PDCD11: variants seen among roughly 807,000 people sequenced by gnomAD.
PDCD11 encodes programmed cell death 11.
PDCD11 carries 97 observed loss-of-function variants against 198.9 expected under a neutral mutation model. The observed-to-expected ratio is 0.49, with a 90% CI of 0.41 to 0.58. PDCD11 has a LOEUF of 0.58. Ranked by LOEUF, PDCD11 falls within the 20% of genes least tolerant of loss-of-function variation. The pLI is 0.00. For synonymous variants in PDCD11, 893 were observed against 918.0 expected, an observed-to-expected ratio of 0.97 and a Z score of 0.49; for missense variants, 2,102 against 2,312.7, an observed-to-expected ratio of 0.91 and a Z score of 1.87.
At chr10:103,424,825 AGG>A (rs1246221926) in intron 19 of PDCD11, among the ~76,000 whole-genome samples, 157 bp from the exon 20 acceptor site, 2 of 152,340 alleles carry the variant, frequency 1.3e-5, no homozygotes, top group Non-Finnish European at 2.9e-5. Flanking sequence ...AGCTAGGTCC[AGG>A]GAGTGAAGGC....
chr10:103,404,787 T>A (rs2030345441), intron 4 of PDCD11, among the ~76,000 whole-genome samples: 1 of 152,212 alleles, frequency 6.6e-6, no homozygotes, highest in Non-Finnish European at 1.5e-5. Context: ...ACAACTCTTT[T>A]GACAAGTCAT....
Position 103,438,779 on chromosome 10 carries a change from G to C in PDCD11, c.3996G>C (p.Gly1332=), listed in dbSNP as rs2032257300. 1 of 1,613,994 alleles carries C rather than the reference G, an allele frequency of 6.2e-7. No homozygotes were observed. Residue 1332 remains glycine (G), a synonymous_variant, in exon 27 of 36, where the codon GGG becomes GGC. Coordinates refer to ENST00000369797, the MANE Select transcript of PDCD11 (RefSeq NM_014976.2). ...GGCAGCTTCTGAGGGGCTATGTAGG[G>C]TCCATCCAGCCACACGGTGTGTTCT... is the stretch of plus-strand genomic sequence containing the variant. ...KEGQLLRGYV[G]SIQPHGVFFR...
chr10:103,401,558 C>T (rs1000184300), intron 3 of PDCD11, among the ~76,000 whole-genome samples: 4 of 151,636 alleles, frequency 2.6e-5, no homozygotes, highest in Admixed American at 6.6e-5. Flanking sequence ...CGTGAGCCAC[C>T]GCGGCCAGCC....
intron 2 of PDCD11, 32 bp downstream of exon 2, chr10:103,398,560 TG>T: frequency 7.3e-7 from 1 of 1,376,402 alleles, no homozygotes; most frequent in Non-Finnish European, 1.0e-6. Context: ...TGACACTCAC[TG>T]GAAACTTTTA....
rs1464382964 is a variant in PDCD11, at chr10:103,432,130, G to A, written c.3370G>A (p.Glu1124Lys). 1.2e-6 allele frequency: 2 copies of A among 1,610,348 alleles called. No individual in the cohort carries two copies. Among genetic ancestry groups the A allele is most frequent in the Non-Finnish European group, 8.5e-7 (1 of 1,176,706 alleles). ...TIPELSVRPS[E>K]LEDGHTALNT... ...TTTACATTTCCTTTCTGCAAACAGTGAGCTGGAGGATGGCCACACTGCTCT... is the reference window on the plus strand; with the variant it reads ...TTTACATTTCCTTTCTGCAAACAGTAAGCTGGAGGATGGCCACACTGCTCT... Residue 1124 changes from glutamate to lysine, a missense_variant and splice_region_variant, in exon 22 of 36, where the codon GAG becomes AAG. Coordinates refer to ENST00000369797, the MANE Select transcript of PDCD11 (RefSeq NM_014976.2).
At chr10:103,421,968 C>T (rs1320535990) in intron 17 of PDCD11, among the ~76,000 whole-genome samples, 11 of 114,680 alleles carry the variant, frequency 9.6e-5, no homozygotes, top group South Asian at 2.6e-4. Context: ...AGTGAGACTC[C>T]GTCTCAAAAA....
At position 103,442,208 on chromosome 10, in the gene PDCD11, A is replaced by G; in HGVS notation, c.4708-5A>G. 6.2e-7 allele frequency: 1 copy of G among 1,613,796 alleles called. No homozygotes were observed. The highest frequency in any genetic ancestry group is 1.1e-5 in the South Asian group (1 of 91,074). Reference sequence around the variant, plus strand: ...GACTCACGGTGTTTCTGCTTTCCATAGCAGATAAAGAAAAGCAAGAAAGAA... The same window carrying G: ...GACTCACGGTGTTTCTGCTTTCCATGGCAGATAAAGAAAAGCAAGAAAGAA... On this transcript the variant is annotated splice_region_variant and splice_polypyrimidine_tract_variant and intron_variant, in intron 31 of 35. Transcript: ENST00000369797.
chr10:103,399,107 G>GTTTTT (rs71019680), intron 2 of PDCD11, among the ~76,000 whole-genome samples: 2 of 125,994 alleles, frequency 1.6e-5, no homozygotes, highest in African/African-American at 2.9e-5. Flanking sequence ...AGAGGAAGCA[G>GTTTTT]TTTTTTTTTT....
chr10:103,443,080 G>A (rs1423617614), intron 32 of PDCD11, 85 bp from the exon 33 acceptor site: 1 of 1,212,166 alleles, frequency 8.2e-7, no homozygotes, highest in Non-Finnish European at 1.2e-6. Context: ...GCTGGGAGGG[G>A]GAGGTGGTTC....
chr10:103,436,165 A>G lies in PDCD11; in HGVS notation c.3845+1190A>G, dbSNP rs143139516. Among the ~76,000 whole-genome samples the G allele has an allele frequency of 3.3e-3, 505 of 151,980 alleles. 20 individuals are homozygous for G. The East Asian group carries it at 0.064, about 19-fold the overall frequency. ...ACCCAGGCTGGAGTGCAGTGGCGCA[A>G]TCTTGGCTCACTGCAACCTCTGCCT... On this transcript the variant is annotated intron_variant, in intron 25 of 35. Transcript: ENST00000369797.
intron 19 of PDCD11, 21 bp downstream of exon 19, chr10:103,423,679 C>A: frequency 6.7e-7 from 1 of 1,489,922 alleles, no homozygotes; most frequent in Non-Finnish European, 9.4e-7. Flanking sequence ...TCCTGACTTC[C>A]ATTTCCATGG....
chr10:103,408,115 A>G (rs1355781039), intron 7 of PDCD11, among the ~76,000 whole-genome samples: 1 of 151,942 alleles, frequency 6.6e-6, no homozygotes, highest in East Asian at 1.9e-4. Context: ...TTTTTCCTAT[A>G]CCTTCAACTT....
intron 21 of PDCD11, among the ~76,000 whole-genome samples, chr10:103,428,739 A>G (rs2031804272): frequency 6.6e-6 from 1 of 152,222 alleles, no homozygotes; most frequent in African/African-American, 2.4e-5. Context: ...GGAACCCCTC[A>G]TTAACACTGC....
intron 8 of PDCD11, among the ~76,000 whole-genome samples, chr10:103,410,979 G>A (rs895315256): frequency 2.0e-5 from 3 of 151,860 alleles, no homozygotes; most frequent in Admixed American, 6.6e-5. Flanking sequence ...GGAGACTGAG[G>A]CAGGAGAATC....
chr10:103,429,843 C>T (rs1156343526), intron 21 of PDCD11, among the ~76,000 whole-genome samples: 4 of 152,142 alleles, frequency 2.6e-5, no homozygotes, highest in African/African-American at 4.8e-5. Flanking sequence ...CCTTCCGTCT[C>T]AGTGAATTTG....
At chr10:103,422,055 T>TTTATTATTATTATTA (rs201558637) in intron 17 of PDCD11, among the ~76,000 whole-genome samples, 3 of 127,454 alleles carry the variant, frequency 2.4e-5, no homozygotes, top group East Asian at 4.5e-4. Context: ...AGTGCACAAT[T>TTTATTATTATTATTA]TTATTATTAT....
chr10:103,405,884 CAG>C (rs2030414583), intron 5 of PDCD11, 99 bp from the exon 6 acceptor site: 2 of 1,270,428 alleles, frequency 1.6e-6, no homozygotes, highest in African/African-American at 1.5e-5. Flanking sequence ...GGGATAGTGG[CAG>C]AGTGTGAGCT....
Position 103,443,954 on chromosome 10 carries a change from C to G in PDCD11, c.5164C>G (p.Arg1722Gly). The G allele has an allele frequency of 6.2e-7, 1 of 1,614,164 alleles. No homozygotes were observed. Among genetic ancestry groups the G allele is most frequent in the Non-Finnish European group, 8.5e-7 (1 of 1,180,030 alleles). ...CTACAACCGGATGCTGAAGCGTTTC[C>G]GGCAGGAGAAAGCTGTGTGGATCAA... The part of the protein sequence containing the change: ...ELYNRMLKRF[R>G]QEKAVWIKYG... The change falls in exon 34 of 36, where the codon CGG (arginine) becomes GGG (glycine). Residue 1722 changes from arginine (R) to glycine (G), a missense_variant. By Grantham distance (125) the Arg-to-Gly change is moderately radical (BLOSUM62 -2). Coordinates refer to ENST00000369797, the MANE Select transcript of PDCD11 (RefSeq NM_014976.2).
rs1291010918 is a variant in PDCD11 at position 103,415,022 on chromosome 10, A to C, written c.1389A>C (p.Ile463=). ...TTCTCTAGGGCACAGTGCTAACCAT[A>C]AAGTCATATGGGATGCTGGTGAAGG... The part of the protein sequence containing the change: ...GAVVKGTVLT[I]KSYGMLVKVG... Residue 463 remains isoleucine (I), a synonymous_variant, in exon 12 of 36, where the codon ATA becomes ATC. Coordinates refer to ENST00000369797, the MANE Select transcript of PDCD11 (RefSeq NM_014976.2). 6.2e-7 allele frequency: 1 copy of C among 1,613,986 alleles called. No individual in the cohort carries two copies. Among genetic ancestry groups the C allele is most frequent in the Non-Finnish European group, 8.5e-7 (1 of 1,180,016 alleles).
Sources: allele counts gnomAD v4.1 joint callset (sites outside exome capture counted in the v4.1 genomes callset), GRCh38; gene constraint gnomAD v4.1.1; transcripts MANE v1.5; gene names NCBI Gene and HGNC (gene_info 2026-07-23, HGNC 2026-07-21).